The following GRIK1 variants were observed in gnomAD, a reference collection of about 807,000 sequenced individuals.
GRIK1 encodes glutamate receptor ionotropic, kainate 1.
Under a neutral mutation model 105.7 loss-of-function variants are expected in GRIK1, and 69 were observed. The observed-to-expected ratio is 0.65, with a 90% CI of 0.54 to 0.80. The LOEUF is 0.80. Ranked by LOEUF, GRIK1 falls within the 30% of genes least tolerant of loss-of-function variation. GRIK1 has a pLI of 0.00. For missense variants in GRIK1, 1,109 were observed against 1,167.3 expected, an observed-to-expected ratio of 0.95 and a Z score of 0.73; for synonymous variants, 438 against 431.3, an observed-to-expected ratio of 1.02 and a Z score of -0.19.
At chr21:29,549,395 C>T (rs1357443319) in intron 16 of GRIK1, among the ~76,000 whole-genome samples, 1 of 152,026 alleles carries the variant, frequency 6.6e-6, no homozygotes, top group East Asian at 1.9e-4. Flanking sequence ...TAAAAACACC[C>T]TTGTATTGGA....
At chr21:29,740,712 A>T (rs1446168653) in intron 1 of GRIK1, among the ~76,000 whole-genome samples, 1 of 152,108 alleles carries the variant, frequency 6.6e-6, no homozygotes, top group Non-Finnish European at 1.5e-5. Flanking sequence ...TCAATTAGTT[A>T]CTCCTTTAAT....
intron 7 of GRIK1, among the ~76,000 whole-genome samples, chr21:29,635,314 C>T (rs2062373837): frequency 6.6e-6 from 1 of 152,108 alleles, no homozygotes; most frequent in Non-Finnish European, 1.5e-5. Context: ...ATCTTGTGGG[C>T]CCAACTACGA....
chr21:29,700,901 CA>C (rs201909771), intron 1 of GRIK1, among the ~76,000 whole-genome samples: 3 of 151,734 alleles, frequency 2.0e-5, no homozygotes, highest in South Asian at 2.1e-4. Flanking sequence ...AAAAAACAAA[CA>C]AAAAAAACAC....
intron 1 of GRIK1, among the ~76,000 whole-genome samples, chr21:29,804,421 G>T (rs1361856639): frequency 2.0e-5 from 3 of 151,928 alleles, no homozygotes; most frequent in Non-Finnish European, 4.4e-5. Context: ...TTTGACAATA[G>T]AGCATGGTCC....
At chr21:29,822,254 T>C (rs2067325874) in intron 1 of GRIK1, among the ~76,000 whole-genome samples, 1 of 152,050 alleles carries the variant, frequency 6.6e-6, no homozygotes, top group Non-Finnish European at 1.5e-5. Flanking sequence ...ATGGGCATGG[T>C]TGTATTTCAA....
At chr21:29,737,929 CTTTA>C (rs1027218308) in intron 1 of GRIK1, among the ~76,000 whole-genome samples, 4 of 152,216 alleles carry the variant, frequency 2.6e-5, no homozygotes, top group Non-Finnish European at 5.9e-5. Flanking sequence ...ATGAAGGCAA[CTTTA>C]TTTATACGCT....
intron 1 of GRIK1, among the ~76,000 whole-genome samples, chr21:29,908,938 T>C (rs2070728719): frequency 6.6e-6 from 1 of 152,184 alleles, no homozygotes; most frequent in African/African-American, 2.4e-5. Context: ...ATGGCTTTGG[T>C]AGATGAATTA....
At chr21:29,809,748 TTAA>T (rs1284936562) in intron 1 of GRIK1, among the ~76,000 whole-genome samples, 1 of 152,194 alleles carries the variant, frequency 6.6e-6, no homozygotes, top group Non-Finnish European at 1.5e-5. Context: ...CTCACTAAGC[TTAA>T]TAATTTCTAG....
chr21:29,580,077 G>GTGTGTATA (rs2090990905), intron 13 of GRIK1, among the ~76,000 whole-genome samples: 1 of 141,610 alleles, frequency 7.1e-6, no homozygotes, highest in African/African-American at 2.6e-5. Flanking sequence ...GTATATATAT[G>GTGTGTATA]TATATGTGTG....
At chr21:29,576,234 A>G (rs1033104648) in intron 14 of GRIK1, among the ~76,000 whole-genome samples, 2 of 152,218 alleles carry the variant, frequency 1.3e-5, no homozygotes, top group African/African-American at 4.8e-5. Context: ...ATTTGATAAT[A>G]AAAGTACTAA....
intron 1 of GRIK1, among the ~76,000 whole-genome samples, chr21:29,874,773 T>A (rs144659478): frequency 6.6e-6 from 1 of 152,298 alleles, no homozygotes; most frequent in Admixed American, 6.5e-5. Context: ...AGGTTGAATG[T>A]GAGAGACAGA....
At chr21:29,732,753 T>A (rs759317770) in intron 1 of GRIK1, among the ~76,000 whole-genome samples, 1 of 152,150 alleles carries the variant, frequency 6.6e-6, no homozygotes, top group Non-Finnish European at 1.5e-5. Context: ...GTTAGTTTAT[T>A]TGCCTCACTC....
intron 6 of GRIK1, 32 bp downstream of exon 6, chr21:29,651,086 C>A: frequency 5.8e-6 from 9 of 1,539,034 alleles, no homozygotes; most frequent in Non-Finnish European, 7.1e-6. Context: ...TTCAAATATT[C>A]TTGCAAATGA....
At chr21:29,736,009 C>A (rs150070276) in intron 1 of GRIK1, among the ~76,000 whole-genome samples, 1 of 151,952 alleles carries the variant, frequency 6.6e-6, no homozygotes, top group Non-Finnish European at 1.5e-5. Flanking sequence ...TTCCCTAGCA[C>A]GACCCCAAGA....
At chr21:29,622,923 G>C (rs189373471) in intron 7 of GRIK1, among the ~76,000 whole-genome samples, 1 of 152,076 alleles carries the variant, frequency 6.6e-6, no homozygotes, top group East Asian at 1.9e-4. Context: ...GTCTATTCAT[G>C]GTAATAATTA....
intron 1 of GRIK1, among the ~76,000 whole-genome samples, chr21:29,890,026 C>T (rs1043107552): frequency 6.6e-6 from 1 of 152,042 alleles, no homozygotes; most frequent in Non-Finnish European, 1.5e-5. Flanking sequence ...TGTATCTACC[C>T]TAAATTCAAG....
chr21:29,845,796 TTAG>T, intron 1 of GRIK1, among the ~76,000 whole-genome samples: 1 of 152,270 alleles, frequency 6.6e-6, no homozygotes, highest in South Asian at 2.1e-4. Context: ...TTCTATGGAA[TTAG>T]TAGTTTGTTG....
chr21:29,631,423 A>G (rs1317334048), intron 7 of GRIK1, among the ~76,000 whole-genome samples: 1 of 152,250 alleles, frequency 6.6e-6, no homozygotes, highest in East Asian at 1.9e-4. Flanking sequence ...AATACAATGG[A>G]AAGATAACCA....
intron 1 of GRIK1, among the ~76,000 whole-genome samples, chr21:29,830,310 C>CAA (rs759159969): frequency 0.28 from 12,249 of 43,426 alleles, 827 homozygotes; most frequent in African/African-American, 0.41. Context: ...CACCTCCCCA[C>CAA]ACACACACAC....
Sources: allele counts gnomAD v4.1 joint callset (sites outside exome capture counted in the v4.1 genomes callset), GRCh38; gene constraint gnomAD v4.1.1; transcripts MANE v1.5; gene names NCBI Gene and HGNC (gene_info 2026-07-23, HGNC 2026-07-21).